THAP4: variants seen among roughly 807,000 people sequenced by gnomAD.
THAP4 encodes THAP domain containing 4.
A neutral mutation model predicts 48.1 loss-of-function variants in THAP4; 18 were observed. The observed-to-expected ratio is 0.37, with a 90% confidence interval of 0.26 to 0.56. The LOEUF (loss-of-function observed/expected upper bound fraction) is 0.56. THAP4 is among the 20% of genes least tolerant of loss of function. THAP4 has a pLI of 0.78. For synonymous variants in THAP4, 345 were observed against 324.9 expected, an observed-to-expected ratio of 1.06 and a Z score of -0.66; for missense variants, 656 against 774.9, an observed-to-expected ratio of 0.85 and a Z score of 1.82.
intron 5 of THAP4, among the ~76,000 whole-genome samples, chr2:241,596,361 G>A (rs1327827898): frequency 6.6e-6 from 1 of 151,096 alleles, no homozygotes; most frequent in Admixed American, 6.6e-5. Context: ...ATAAAATTTA[G>A]GTAGGCATGG....
intron 2 of THAP4, among the ~76,000 whole-genome samples, chr2:241,611,929 G>A (rs1035385337): frequency 1.3e-4 from 19 of 151,908 alleles, no homozygotes; most frequent in Non-Finnish European, 2.6e-4. Context: ...AAGAGAAAGG[G>A]TCTTGCTCAG....
chr2:241,608,679 C>T (rs866650285), intron 2 of THAP4, among the ~76,000 whole-genome samples: 4 of 152,214 alleles, frequency 2.6e-5, no homozygotes, highest in African/African-American at 9.6e-5. Flanking sequence ...GCTGACGGAA[C>T]AGTCATACAT....
chr2:241,603,096 A>T lies in THAP4; in HGVS notation c.1401-17T>A. The stretch of plus-strand genomic sequence containing the variant: ...GAGTTGAACCTGGACGGGAAGTTGG[A>T]GTTGAGAAGCCCAGGCACTGGCCTC... On this transcript the variant is annotated splice_polypyrimidine_tract_variant and intron_variant, in intron 3 of 5. Coordinates refer to ENST00000407315, the MANE Select transcript of THAP4 (RefSeq NM_015963.6). 1 of 1,604,692 alleles carries T rather than the reference A, an allele frequency of 6.2e-7. No homozygotes were observed. Among genetic ancestry groups the T allele is most frequent in the Non-Finnish European group, 8.5e-7 (1 of 1,171,786 alleles).
At chr2:241,622,594 AC>A (rs199894618) in intron 2 of THAP4, among the ~76,000 whole-genome samples, 60 of 150,806 alleles carry the variant, frequency 4.0e-4, no homozygotes, top group East Asian at 7.8e-4. Context: ...CAGAAAACAA[AC>A]AAAAAAAAAG....
upstream of THAP4, chr2:241,637,242 G>A: frequency 9.6e-7 from 1 of 1,040,570 alleles, no homozygotes; most frequent in South Asian, 2.7e-5. Context: ...GGCGTCTTCG[G>A]ACCAGCGGGG....
intron 3 of THAP4, among the ~76,000 whole-genome samples, chr2:241,604,606 C>T (rs1054937952): frequency 6.6e-6 from 1 of 152,250 alleles, no homozygotes; most frequent in South Asian, 2.1e-4. Context: ...GACACAATTT[C>T]ACCACATTGG....
intron 2 of THAP4, among the ~76,000 whole-genome samples, 187 bp downstream of exon 2, chr2:241,632,730 T>C (rs1364294227): frequency 1.3e-5 from 2 of 152,162 alleles, no homozygotes; most frequent in Non-Finnish European, 2.9e-5. Context: ...TGGGACCAGG[T>C]GCAGTGAGGC....
chr2:241,604,131 C>T (rs193282287), intron 3 of THAP4, among the ~76,000 whole-genome samples: 20 of 152,220 alleles, frequency 1.3e-4, no homozygotes, highest in African/African-American at 2.4e-4. Flanking sequence ...CACCCAGGCT[C>T]GTCGCGGTCT....
At chr2:241,615,972 C>T (rs555204293) in intron 2 of THAP4, among the ~76,000 whole-genome samples, 7 of 152,284 alleles carry the variant, frequency 4.6e-5, no homozygotes, top group African/African-American at 1.4e-4. Context: ...GCAAGGAGGG[C>T]GCCCATGGGG....
At chr2:241,603,990 T>G (rs905705464) in intron 3 of THAP4, among the ~76,000 whole-genome samples, 1 of 130,688 alleles carries the variant, frequency 7.7e-6, no homozygotes, top group African/African-American at 2.9e-5. Flanking sequence ...TCTACAAAAA[T>G]AAAAACAAAA....
chr2:241,625,797 C>CAAAAAAAAAAAAAAAA (rs147602587), intron 2 of THAP4, among the ~76,000 whole-genome samples: 11 of 50,160 alleles, frequency 2.2e-4, no homozygotes, highest in Admixed American at 3.4e-4. Flanking sequence ...GACTCCGTCT[C>CAAAAAAAAAAAAAAAA]AAAAAAAAAA....
chr2:241,597,463 T>C (rs1344511743), intron 5 of THAP4, among the ~76,000 whole-genome samples: 2 of 152,208 alleles, frequency 1.3e-5, no homozygotes, highest in Non-Finnish European at 2.9e-5. Flanking sequence ...CACATAAAGC[T>C]ACAGAACTCT....
intron 5 of THAP4, among the ~76,000 whole-genome samples, chr2:241,591,079 G>C (rs953896002): frequency 2.0e-4 from 27 of 134,272 alleles, no homozygotes; most frequent in African/African-American, 6.7e-4. Flanking sequence ...CTCGGCTGAT[G>C]ATGATGGGCA....
At chr2:241,636,891 C>T (rs1328942034) in intron 1 of THAP4, 50 bp downstream of exon 1, 3 of 1,075,500 alleles carry the variant, frequency 2.8e-6, no homozygotes, top group Non-Finnish European at 3.4e-6. Flanking sequence ...CCTCAGTTTC[C>T]CCGCAGGGCC....
chr2:241,620,572 G>A (rs1318251897), intron 2 of THAP4, among the ~76,000 whole-genome samples: 6 of 140,326 alleles, frequency 4.3e-5, no homozygotes, highest in South Asian at 4.8e-4. Flanking sequence ...TGAGTGAGTC[G>A]GTGAGTGAGG....
chr2:241,624,315 GTC>G (rs2125093853), intron 2 of THAP4, among the ~76,000 whole-genome samples: 1 of 152,194 alleles, frequency 6.6e-6, no homozygotes, highest in Non-Finnish European at 1.5e-5. Context: ...GTGAAACACA[GTC>G]TCTACTAAAA....
In THAP4 at chr2:241,633,536, T is replaced by A. The variant is rs773420452; in HGVS notation, c.621A>T (p.Glu207Asp). The A allele has an allele frequency of 1.4e-5, 23 of 1,613,926 alleles. No individual in the cohort carries two copies. Among genetic ancestry groups the A allele is most frequent in the Non-Finnish European group, 1.6e-5 (19 of 1,179,990 alleles). ...TGCCACTCTTATCTGTCACGCCCCC[T>A]TCGATGGAGGAAGTGGCGCTCTCAT... Reference protein sequence around the residue: ...AGDESATSSIEGGVTDKSGIS... With the variant: ...AGDESATSSIDGGVTDKSGIS... The change falls in exon 2 of 6, where the codon GAA becomes GAT. Residue 207 changes from glutamate (E) to aspartate (D), a missense_variant. Glu to Asp is a conservative substitution (Grantham distance 45). Coordinates refer to ENST00000407315, the MANE Select transcript of THAP4 (RefSeq NM_015963.6). The surrounding 1 kb of genome is among the most constrained non-coding windows in gnomAD (Gnocchi z 7.5).
rs747218486 is a variant in THAP4, at chr2:241,633,954, C to T, written c.203G>A (p.Arg68Lys). Residue 68 changes from arginine (R) to lysine (K), a missense_variant, in exon 2 of 6, where the codon AGG (arginine) becomes AAG (lysine). Arg to Lys is a conservative substitution (Grantham distance 26). Around this residue, in one of 4 missense-constraint regions of THAP4, gnomAD observed 30 missense variants for 60.1 expected, o/e 0.50. Transcript: ENST00000407315. This position sits in a 1 kb window ranked among gnomAD's most constrained non-coding sequence, Gnocchi z 7.5. ...CAGCAGGCGATGCTGGTCCTCCAGC[C>T]TCTTGGAGAAGCTGTCTTTGGTGAA... ...EHFTKDSFSKRLEDQHRLLKP... is the reference protein window; with the variant it reads ...EHFTKDSFSKKLEDQHRLLKP... 7 of 1,614,042 alleles carry T rather than the reference C, an allele frequency of 4.3e-6. No individual in the cohort carries two copies. In the Admixed American group the frequency reaches 6.7e-5, roughly 15 times the overall value.
chr2:241,634,952 T>C (rs550354074), intron 1 of THAP4, among the ~76,000 whole-genome samples: 1 of 152,300 alleles, frequency 6.6e-6, no homozygotes, highest in African/African-American at 2.4e-5. Flanking sequence ...ATCAAATTCA[T>C]AGAGACAGGA....
Sources: allele counts gnomAD v4.1 joint callset (sites outside exome capture counted in the v4.1 genomes callset), GRCh38; gene constraint gnomAD v4.1.1; regional missense constraint gnomAD v4.1.1; non-coding constraint Gnocchi (gnomAD v3.1); transcripts MANE v1.5; gene names NCBI Gene and HGNC (gene_info 2026-07-23, HGNC 2026-07-21).